Variants in SHQ1 observed in about 807,000 individuals in gnomAD.
SHQ1 encodes SHQ1, H/ACA ribonucleoprotein assembly factor.
A neutral mutation model predicts 53.8 loss-of-function variants in SHQ1; 49 were observed. That is an observed-to-expected ratio of 0.91 (90% CI 0.72 to 1.16). The LOEUF (loss-of-function observed/expected upper bound fraction) is 1.16. Among genes scored for constraint, SHQ1 ranks in the 50% most tolerant of loss-of-function variants. The pLI, the probability that SHQ1 is intolerant of heterozygous loss-of-function variation, is 0.00. For synonymous variants in SHQ1, 243 were observed against 251.0 expected, an observed-to-expected ratio of 0.97 and a Z score of 0.30; for missense variants, 738 against 683.1, an observed-to-expected ratio of 1.08 and a Z score of -0.90.
chr3:72,789,907 T>C (rs1706384558), intron 10 of SHQ1, among the ~76,000 whole-genome samples: 2 of 152,218 alleles, frequency 1.3e-5, no homozygotes, highest in African/African-American at 4.8e-5. Context: ...TTCTTCCACA[T>C]GGTATGGGTG....
At chr3:72,774,474 A>T (rs780787151) in intron 10 of SHQ1, among the ~76,000 whole-genome samples, 1 of 152,114 alleles carries the variant, frequency 6.6e-6, no homozygotes, top group Non-Finnish European at 1.5e-5. Flanking sequence ...CTAAACAATG[A>T]TATAATTCTC....
chr3:72,730,540 C>T, the SHQ1 span, among the ~76,000 whole-genome samples: 2 of 152,218 alleles, frequency 1.3e-5, no homozygotes, highest in African/African-American at 4.8e-5. Flanking sequence ...AATGCCTCTG[C>T]TGTAGGGCCA....
chr3:72,735,889 ATC>A, the SHQ1 span, among the ~76,000 whole-genome samples: 73 of 144,380 alleles, frequency 5.1e-4, no homozygotes, highest in Non-Finnish European at 6.0e-4. Flanking sequence ...AAATGTGTCA[ATC>A]TCTCTCTCTC....
intron 10 of SHQ1, among the ~76,000 whole-genome samples, chr3:72,763,665 G>A (rs1705658667): frequency 6.6e-6 from 1 of 152,148 alleles, no homozygotes; most frequent in Non-Finnish European, 1.5e-5. Flanking sequence ...AAGACACAGG[G>A]ACACAGAGAA....
chr3:72,823,346 T>C (rs968709752), intron 6 of SHQ1, among the ~76,000 whole-genome samples: 2 of 152,154 alleles, frequency 1.3e-5, no homozygotes, highest in East Asian at 1.9e-4. Flanking sequence ...ACAGGCACTA[T>C]ACTAGACACT....
At chr3:72,753,033 C>A in intron 10 of SHQ1, 1 of 985,214 alleles carries the variant, frequency 1.0e-6, no homozygotes, top group Non-Finnish European at 1.2e-6. Context: ...TAAACTTTTC[C>A]ATTATTAACT....
intron 10 of SHQ1, among the ~76,000 whole-genome samples, chr3:72,782,194 C>T (rs573031171): frequency 1.3e-4 from 20 of 152,152 alleles, no homozygotes; most frequent in Non-Finnish European, 2.5e-4. Context: ...TAGTTTAAAC[C>T]TTCCATAATG....
intron 10 of SHQ1, among the ~76,000 whole-genome samples, chr3:72,779,331 T>C (rs1159309322): frequency 6.6e-6 from 1 of 152,174 alleles, no homozygotes; most frequent in Admixed American, 6.5e-5. Context: ...ACCACCTTTT[T>C]TAGGTTAACT....
rs186974854 is a variant in SHQ1, at chr3:72,761,532, A to G, written c.1182-10696T>C. Among the ~76,000 whole-genome samples, 4 of 152,314 alleles carry G rather than the reference A, an allele frequency of 2.6e-5. No homozygotes were observed. The East Asian group carries it at 7.7e-4, about 29-fold the overall frequency. On this transcript the variant is annotated intron_variant, in intron 10 of 10. Coordinates refer to ENST00000325599, the MANE Select transcript of SHQ1 (RefSeq NM_018130.3). ...AGTCAAATCACTATGGCAAACAGCA[A>G]TAATAAAGACTCAACCACCTCTTGG...
At chr3:72,772,558 TG>T in intron 10 of SHQ1, 2 of 684,566 alleles carry the variant, frequency 2.9e-6, no homozygotes. Context: ...ATGGGAAGAT[TG>T]GGCAATTTAT....
chr3:72,769,419 C>T (rs1450267994), intron 10 of SHQ1, among the ~76,000 whole-genome samples: 3 of 152,164 alleles, frequency 2.0e-5, no homozygotes, highest in African/African-American at 7.2e-5. Flanking sequence ...TTCCATCTCC[C>T]CAGTTCCCTA....
chr3:72,782,082 T>A (rs1706090520), intron 10 of SHQ1, among the ~76,000 whole-genome samples: 2 of 152,150 alleles, frequency 1.3e-5, no homozygotes, highest in South Asian at 4.1e-4. Flanking sequence ...GAAAACATGA[T>A]CCACTTCATG....
chr3:72,744,522 G>C (rs1010076353), downstream of SHQ1, among the ~76,000 whole-genome samples: 5 of 152,154 alleles, frequency 3.3e-5, no homozygotes, highest in Non-Finnish European at 7.3e-5. Context: ...AAACAGCAAA[G>C]TCATTTATCT....
At chr3:72,759,855 T>C (rs572377797) in intron 10 of SHQ1, among the ~76,000 whole-genome samples, 1 of 152,358 alleles carries the variant, frequency 6.6e-6, no homozygotes, top group South Asian at 2.1e-4. Flanking sequence ...ATTAATTGTA[T>C]TTGTAATTGT....
At chr3:72,776,393 G>A (rs955350702) in intron 10 of SHQ1, among the ~76,000 whole-genome samples, 5 of 152,096 alleles carry the variant, frequency 3.3e-5, no homozygotes, top group Non-Finnish European at 7.4e-5. Context: ...TGCTGTACAG[G>A]TTTGTAGCCT....
chr3:72,770,874 A>G (rs1448314236), intron 10 of SHQ1, among the ~76,000 whole-genome samples: 4 of 152,242 alleles, frequency 2.6e-5, no homozygotes, highest in Non-Finnish European at 5.9e-5. Flanking sequence ...CCCAGAAGTT[A>G]CTATGGATTC....
At chr3:72,838,257 C>G (rs1255355420) in intron 4 of SHQ1, among the ~76,000 whole-genome samples, 4 of 152,168 alleles carry the variant, frequency 2.6e-5, no homozygotes, top group Non-Finnish European at 4.4e-5. Context: ...TTTGTGTGAT[C>G]CCAGTATTGC....
rs765053835 is a variant in SHQ1, at chr3:72,824,480, G to T, written c.671C>A (p.Ser224Ter). The change falls in exon 6 of 11, where the codon TCA becomes TAA. Residue 224 changes from serine (S) to a stop codon, truncating the protein, a stop_gained. Transcript: ENST00000325599. LOFTEE classifies it high-confidence loss of function. ...KYNPWWTDKY[S>*]KMMAFLEKSQ... ...CTTTTCCAAAAAGGCCATCATTTTT[G>T]AATATTTGTCAGTCCACCAAGGATT... 2.5e-6 allele frequency: 4 copies of T among 1,612,640 alleles called. No homozygotes were observed. Among genetic ancestry groups the T allele is most frequent in the Non-Finnish European group, 2.5e-6 (3 of 1,179,590 alleles).
the SHQ1 span, among the ~76,000 whole-genome samples, chr3:72,736,792 C>CA: frequency 0.71 from 74,857 of 105,296 alleles, 26,303 homozygotes; most frequent in East Asian, 0.93. Context: ...GACTCCGTTT[C>CA]AAAAAAAAAA....
Sources: gnomAD v4.1 joint callset for allele counts (sites outside exome capture counted in the v4.1 genomes callset) on GRCh38, gnomAD v4.1.1 for gene constraint, MANE v1.5 for transcripts, NCBI Gene and HGNC (gene_info 2026-07-23, HGNC 2026-07-21) for gene names.